The following SLC8A3 variants were observed in gnomAD, a reference collection of about 807,000 sequenced individuals.
The protein encoded by SLC8A3 is solute carrier family 8 member A3.
SLC8A3 carries 37 observed loss-of-function variants against 65.4 expected under a neutral mutation model. That is an observed-to-expected ratio of 0.57 (90% CI 0.44 to 0.74). SLC8A3 has a LOEUF of 0.74. Ranked by LOEUF, SLC8A3 falls within the 30% of genes least tolerant of loss-of-function variation. SLC8A3 has a pLI of 0.00. For synonymous variants in SLC8A3, 461 were observed against 444.5 expected (o/e 1.04, Z -0.47); for missense variants, 1,112 against 1,172.1 (o/e 0.95, Z 0.75).
intron 2 of SLC8A3, among the ~76,000 whole-genome samples, chr14:70,166,394 T>C (rs964307355): frequency 2.6e-5 from 4 of 152,196 alleles, no homozygotes; most frequent in African/African-American, 9.6e-5. Context: ...GAAGAAAATG[T>C]TTTGTGTCCT....
chr14:70,135,362 C>T (rs972462513), intron 2 of SLC8A3, among the ~76,000 whole-genome samples: 6 of 152,126 alleles, frequency 3.9e-5, no homozygotes, highest in African/African-American at 1.4e-4. Context: ...TTAGAACTGC[C>T]ATATGATCTA....
At chr14:70,105,890 G>A (rs1031775329) in intron 2 of SLC8A3, among the ~76,000 whole-genome samples, 25 of 151,310 alleles carry the variant, frequency 1.7e-4, no homozygotes, top group African/African-American at 6.1e-4. Flanking sequence ...ATAACACATC[G>A]ATGACCAAGT....
chr14:70,053,708 G>A (rs1160676146), intron 3 of SLC8A3, among the ~76,000 whole-genome samples: 1 of 152,178 alleles, frequency 6.6e-6, no homozygotes, highest in African/African-American at 2.4e-5. Flanking sequence ...CACCTCTGTG[G>A]TGACAGTCAG....
rs143578094 is a variant in SLC8A3 at position 70,169,225 on chromosome 14, T to C, written c.-62-741A>G. Among the ~76,000 whole-genome samples, 282 of 152,268 alleles carry C rather than the reference T, an allele frequency of 1.9e-3. 3 individuals are homozygous for C. The highest frequency in any genetic ancestry group is 6.4e-3 in the African/African-American group (264 of 41,562). Reference sequence around the variant, plus strand: ...CAAGACTTCTGGAGGCAAGCTATAATTCTGAGATAGCTTGGGAAATCAAAA... The same window carrying C: ...CAAGACTTCTGGAGGCAAGCTATAACTCTGAGATAGCTTGGGAAATCAAAA... On this transcript the variant is annotated intron_variant, in intron 1 of 6. Coordinates refer to ENST00000356921, the MANE Select transcript of SLC8A3 (RefSeq NM_182932.3).
intron 2 of SLC8A3, among the ~76,000 whole-genome samples, chr14:70,114,089 C>A (rs1893492595): frequency 6.6e-6 from 1 of 152,068 alleles, no homozygotes; most frequent in Admixed American, 6.5e-5. Context: ...AAACTAAAGC[C>A]CCAGGTTATT....
In SLC8A3 at chr14:70,167,777, A is replaced by G. The variant is rs1015233733; in HGVS notation, c.646T>C (p.Trp216Arg). ...AAGACTGCCAGAATCATATAGAGCC[A>G]GATGTAGGCAAAGATACTCCAAGCA... ...TAAWSIFAYI[W>R]LYMILAVFSP... Residue 216 changes from tryptophan to arginine, a missense_variant, in exon 2 of 7, where the codon TGG (tryptophan) becomes CGG (arginine). Coordinates refer to ENST00000356921, the MANE Select transcript of SLC8A3 (RefSeq NM_182932.3). 1 of 1,614,078 alleles carries G rather than the reference A, an allele frequency of 6.2e-7. No individual in the cohort carries two copies. The highest frequency in any genetic ancestry group is 8.5e-7 in the Non-Finnish European group (1 of 1,180,050).
At chr14:70,081,851 G>A (rs1222274867) in intron 2 of SLC8A3, among the ~76,000 whole-genome samples, 1 of 152,344 alleles carries the variant, frequency 6.6e-6, no homozygotes, top group East Asian at 1.9e-4. Context: ...TGAAAGAACA[G>A]TATGAAAAAT....
chr14:70,126,570 TCACACA>T (rs55776930), intron 2 of SLC8A3, among the ~76,000 whole-genome samples: 4,096 of 116,830 alleles, frequency 0.035, 174 homozygotes, highest in African/African-American at 0.11. Flanking sequence ...TCTCTCTCTC[TCACACA>T]CACACACACA....
chr14:70,165,266 C>T (rs561040635), intron 2 of SLC8A3, among the ~76,000 whole-genome samples: 6 of 152,166 alleles, frequency 3.9e-5, no homozygotes, highest in Non-Finnish European at 7.3e-5. Context: ...CAGGATCCCC[C>T]GGGTCACTCA....
chr14:70,091,835 C>T (rs1891824384), intron 2 of SLC8A3, among the ~76,000 whole-genome samples: 1 of 152,122 alleles, frequency 6.6e-6, no homozygotes, highest in African/African-American at 2.4e-5. Flanking sequence ...CTCATCTCAC[C>T]ATCATCCTCA....
At chr14:70,187,857 G>A (rs1311206506) in intron 1 of SLC8A3, among the ~76,000 whole-genome samples, 1 of 152,070 alleles carries the variant, frequency 6.6e-6, no homozygotes. Context: ...GTGAGCGCGT[G>A]CGTGCGTATG....
At chr14:70,140,705 A>G (rs149522377) in intron 2 of SLC8A3, among the ~76,000 whole-genome samples, 164 of 152,330 alleles carry the variant, frequency 1.1e-3, no homozygotes, top group African/African-American at 3.7e-3. Context: ...GTGTACATTA[A>G]TGACTAATTC....
In SLC8A3 at chr14:70,064,035, A is replaced by G. The variant is rs191322181; in HGVS notation, c.1785-3096T>C. 1,779 of 666,906 alleles carry G rather than the reference A, an allele frequency of 2.7e-3. 6 individuals carry two copies. The highest frequency in any genetic ancestry group is 8.6e-3 in the Middle Eastern group (21 of 2,436). 41.3% of individuals were successfully genotyped at this position (666,906 alleles called of 1,614,324 possible). A position where few individuals can be genotyped will look rare whatever the true frequency, so the allele number is the denominator to read the frequency against. On this transcript the variant is annotated intron_variant, in intron 2 of 6. Coordinates refer to ENST00000356921, the MANE Select transcript of SLC8A3 (RefSeq NM_182932.3). ...GGAAACAGTTAAAAGATTCAGAAAG[A>G]TCCAAGTTTGCCCCAACACCACAGG...
intron 2 of SLC8A3, among the ~76,000 whole-genome samples, chr14:70,140,839 T>C (rs1895519068): frequency 6.6e-6 from 1 of 152,176 alleles, no homozygotes; most frequent in South Asian, 2.1e-4. Context: ...AAACTATGAG[T>C]TTCCTTTTGC....
chr14:70,067,217 G>A (rs553429649), intron 2 of SLC8A3, among the ~76,000 whole-genome samples: 5 of 152,216 alleles, frequency 3.3e-5, no homozygotes, highest in African/African-American at 9.6e-5. Context: ...TATCCTGATC[G>A]TTTGCGTCTC....
chr14:70,124,792 A>G (rs1022433106), intron 2 of SLC8A3, among the ~76,000 whole-genome samples: 2 of 152,236 alleles, frequency 1.3e-5, no homozygotes, highest in Non-Finnish European at 2.9e-5. Flanking sequence ...CAAAAGAGCA[A>G]AAGGTGATAC....
Position 70,048,910 on chromosome 14 carries a change from C to A in SLC8A3, c.2246G>T (p.Trp749Leu). The change falls in exon 6 of 7, where the codon TGG becomes TTG. Residue 749 changes from tryptophan (W) to leucine (L), a missense_variant. Trp to Leu is a moderately conservative substitution (Grantham distance 61, BLOSUM62 -2). Transcript: ENST00000356921. ...GAGGATGGAGACGGCGAAGCAGGCC[C>A]AGCCGTGGCAGTACTCTGTGGGGGG... ...CVPPTEYCHG[W>L]ACFAVSILII... 1 of 1,614,206 alleles carries A rather than the reference C, an allele frequency of 6.2e-7. No homozygotes were observed. Among genetic ancestry groups the A allele is most frequent in the Non-Finnish European group, 8.5e-7 (1 of 1,180,046 alleles).
At chr14:70,083,773 G>A (rs760691840) in intron 2 of SLC8A3, among the ~76,000 whole-genome samples, 8 of 152,198 alleles carry the variant, frequency 5.3e-5, no homozygotes, top group Non-Finnish European at 8.8e-5. Flanking sequence ...GATGGTAAAT[G>A]GTACAGCTCA....
At chr14:70,051,912 T>A in intron 4 of SLC8A3, 78 bp downstream of exon 4, 1 of 1,257,598 alleles carries the variant, frequency 8.0e-7, no homozygotes, top group Non-Finnish European at 1.1e-6. Flanking sequence ...CTAGTGAAAG[T>A]GGAAAAAAAC....
Sources: gnomAD v4.1 joint callset for allele counts (sites outside exome capture counted in the v4.1 genomes callset) on GRCh38, gnomAD v4.1.1 for gene constraint, MANE v1.5 for transcripts, NCBI Gene and HGNC (gene_info 2026-07-23, HGNC 2026-07-21) for gene names.